HPSE2: variants seen among roughly 807,000 people sequenced by gnomAD.
The protein encoded by HPSE2 is heparanase 2 (inactive).
Under a neutral mutation model 60.5 loss-of-function variants are expected in HPSE2, and 38 were observed. The observed-to-expected ratio is 0.63, with a 90% CI of 0.48 to 0.82. HPSE2 has a LOEUF of 0.82. Among genes scored for constraint, HPSE2 ranks in the 40% least tolerant of loss-of-function variants. The pLI, the probability that HPSE2 is intolerant of heterozygous loss-of-function variation, is 0.00. For synonymous variants in HPSE2, 295 were observed against 293.2 expected, an observed-to-expected ratio of 1.01 and a Z score of -0.06; for missense variants, 713 against 740.4, an observed-to-expected ratio of 0.96 and a Z score of 0.43.
chr10:99,186,542 C>CAAAAAAAAAAAAAA (rs60186369), intron 2 of HPSE2, among the ~76,000 whole-genome samples: 3 of 59,482 alleles, frequency 5.0e-5, no homozygotes, highest in Non-Finnish European at 8.1e-5. Context: ...GACTCCATCT[C>CAAAAAAAAAAAAAA]AAAAAAAAAA....
At chr10:98,714,747 A>C (rs2134229975) in intron 5 of HPSE2, among the ~76,000 whole-genome samples, 1 of 152,024 alleles carries the variant, frequency 6.6e-6, no homozygotes, top group Non-Finnish European at 1.5e-5. Flanking sequence ...CATTTTAAGT[A>C]ATTGCCAGAC....
At chr10:98,853,000 TATG>T (rs1952220002) in intron 3 of HPSE2, among the ~76,000 whole-genome samples, 2 of 152,256 alleles carry the variant, frequency 1.3e-5, no homozygotes, top group Non-Finnish European at 2.9e-5. Context: ...TTTGGGGCCT[TATG>T]TTGTCTGACT....
chr10:98,466,610 CAAA>C (rs397965207), intron 11 of HPSE2, among the ~76,000 whole-genome samples: 7 of 78,954 alleles, frequency 8.9e-5, no homozygotes, highest in Non-Finnish European at 8.7e-5. Flanking sequence ...GACTCCGTCT[CAAA>C]AAAAAAAAAA....
intron 2 of HPSE2, among the ~76,000 whole-genome samples, chr10:99,203,228 C>G (rs1168492931): frequency 6.6e-6 from 1 of 152,016 alleles, no homozygotes; most frequent in Non-Finnish European, 1.5e-5. Flanking sequence ...ACAGGCCAGC[C>G]CCCAGGGCCA....
intron 3 of HPSE2, among the ~76,000 whole-genome samples, chr10:98,974,267 C>A (rs576963230): frequency 2.0e-5 from 3 of 151,408 alleles, no homozygotes; most frequent in Admixed American, 6.6e-5. Context: ...CCAGCCTGGG[C>A]GACACAGAGT....
intron 3 of HPSE2, chr10:99,013,718 C>T (rs556635961): frequency 2.5e-4 from 53 of 214,716 alleles, no homozygotes; most frequent in African/African-American, 1.2e-3. Flanking sequence ...GTGATCCACC[C>T]ACCTCAGCCT....
rs61883596 is a variant in HPSE2, at chr10:99,156,576, C to T, written c.449-12177G>A. Among the ~76,000 whole-genome samples, 4 of 130,398 alleles carry T rather than the reference C, an allele frequency of 3.1e-5. No individual in the cohort carries two copies. The East Asian group carries it at 7.4e-4, about 24-fold the overall frequency. 85.5% of individuals were successfully genotyped at this position (130,398 alleles called of 152,430 possible). Reference sequence around the variant, plus strand: ...CCCTTCATGCTAAAAACTCTCAATACATTAGGTATTGATGGGACGTATTTC... The same window carrying T: ...CCCTTCATGCTAAAAACTCTCAATATATTAGGTATTGATGGGACGTATTTC... On this transcript the variant is annotated intron_variant, in intron 2 of 11. Transcript: ENST00000370552.
At chr10:98,627,920 G>A (rs978802919) in intron 7 of HPSE2, among the ~76,000 whole-genome samples, 7 of 152,156 alleles carry the variant, frequency 4.6e-5, no homozygotes, top group African/African-American at 1.7e-4. Flanking sequence ...AATTTAAAAT[G>A]CACATGGATA....
In HPSE2 at chr10:99,016,416, T is replaced by A. The variant is rs1957142616; in HGVS notation, c.610+127822A>T. ...TGTGTCTGTTTTTGTACCAGTACCA[T>A]GATGTTTTGGTTACTGTAGTCCTGT... On this transcript the variant is annotated intron_variant, in intron 3 of 11. Transcript: ENST00000370552. 2.0e-5 allele frequency among the ~76,000 whole-genome samples: 3 copies of A among 152,168 alleles called. No individual in the cohort carries two copies. The South Asian group carries it at 6.2e-4, about 32-fold the overall frequency.
chr10:99,255,537 TACAC>T, the HPSE2 span, among the ~76,000 whole-genome samples: 1 of 144,108 alleles, frequency 6.9e-6, no homozygotes, highest in Non-Finnish European at 1.5e-5. Flanking sequence ...AACAAATTAG[TACAC>T]ACACATGCAC....
chr10:98,675,539 T>TACACACACACACACACAC (rs774393556), intron 6 of HPSE2, among the ~76,000 whole-genome samples: 7 of 121,488 alleles, frequency 5.8e-5, no homozygotes, highest in Non-Finnish European at 9.0e-5. Flanking sequence ...GATCCCTGTC[T>TACACACACACACACACAC]ACACACACAC....
intron 7 of HPSE2, 117 bp from the exon 8 acceptor site, chr10:98,620,825 T>TG: frequency 1.2e-5 from 9 of 776,262 alleles, no homozygotes; most frequent in Non-Finnish European, 2.0e-5. Context: ...CAGGGGGTCA[T>TG]GATTTGTGCT....
chr10:99,281,889 A>C, the HPSE2 span, among the ~76,000 whole-genome samples: 1 of 152,204 alleles, frequency 6.6e-6, no homozygotes, highest in Non-Finnish European at 1.5e-5. Flanking sequence ...ACTATATCCC[A>C]TGCAAACAGT....
intron 3 of HPSE2, chr10:99,013,075 G>A (rs987642352): frequency 1.7e-6 from 1 of 591,836 alleles, no homozygotes; most frequent in Non-Finnish European, 3.2e-6. Flanking sequence ...TTTATACAAA[G>A]TCTATGAGAA....
chr10:98,862,437 T>C (rs926112602), intron 3 of HPSE2, among the ~76,000 whole-genome samples: 5 of 152,188 alleles, frequency 3.3e-5, no homozygotes, highest in Non-Finnish European at 5.9e-5. Context: ...CTCTCTGATA[T>C]GTACAGTGGC....
intron 6 of HPSE2, among the ~76,000 whole-genome samples, chr10:98,646,322 CT>C (rs5787294): frequency 0.89 from 129,210 of 144,994 alleles, 58,869 homozygotes; most frequent in East Asian, 1. Flanking sequence ...TTTCTTTTTT[CT>C]TTTTTTTTTT....
At chr10:98,945,656 G>A (rs778516611) in intron 3 of HPSE2, among the ~76,000 whole-genome samples, 2 of 152,132 alleles carry the variant, frequency 1.3e-5, no homozygotes, top group African/African-American at 4.8e-5. Context: ...TTTGGGATGC[G>A]AAGAGGCTTA....
intron 3 of HPSE2, among the ~76,000 whole-genome samples, chr10:98,977,480 T>C (rs935945046): frequency 2.6e-5 from 4 of 152,174 alleles, no homozygotes; most frequent in Non-Finnish European, 5.9e-5. Flanking sequence ...TTGGCCCATA[T>C]GTCATTTCAA....
chr10:98,744,172 GAC>G (rs1949569391), intron 3 of HPSE2, 116 bp from the exon 4 acceptor site: 7 of 943,260 alleles, frequency 7.4e-6, no homozygotes, highest in Non-Finnish European at 1.7e-6. Flanking sequence ...GAATAACACA[GAC>G]AGGCTTCTAA....
Sources: allele counts gnomAD v4.1 joint callset (sites outside exome capture counted in the v4.1 genomes callset), GRCh38; gene constraint gnomAD v4.1.1; transcripts MANE v1.5; gene names NCBI Gene and HGNC (gene_info 2026-07-23, HGNC 2026-07-21).